The following RAB10 variants were observed in gnomAD, a reference collection of about 807,000 sequenced individuals.
RAB10 encodes RAB10, member RAS oncogene family, also known as ras-related protein Rab-10.
In RAB10, 5 loss-of-function variants were observed where a neutral mutation model predicts 25.7. The ratio of observed to expected loss-of-function variants is 0.19; its 90% confidence interval spans 0.10 to 0.41. RAB10 has a LOEUF of 0.41. RAB10 is among the 10% of genes least tolerant of loss of function. The pLI is 1.00. For missense variants in RAB10, 103 were observed against 245.8 expected, an observed-to-expected ratio of 0.42 and a Z score of 3.89; for synonymous variants, 89 against 86.4, an observed-to-expected ratio of 1.03 and a Z score of -0.16.
chr2:26,097,984 A>AT (rs1297984599), intron 1 of RAB10, among the ~76,000 whole-genome samples: 2 of 151,356 alleles, frequency 1.3e-5, no homozygotes, highest in African/African-American at 2.4e-5. Flanking sequence ...TGAAGGCAAT[A>AT]TTTTTCCCCC....
In RAB10 at chr2:26,067,965, T is replaced by C. The variant is rs564925646; in HGVS notation, c.128-30697T>C. On this transcript the variant is annotated intron_variant, in intron 1 of 5. Transcript: ENST00000264710. Reference sequence around the variant, plus strand: ...AGCAGAATTTGCTGGGGGGTTGATATATGTTCATCAAGTAAACAGAAACAT... The same window carrying C: ...AGCAGAATTTGCTGGGGGGTTGATACATGTTCATCAAGTAAACAGAAACAT... Among the ~76,000 whole-genome samples the C allele has an allele frequency of 6.6e-5, 10 of 152,328 alleles. 1 individual carries two copies. In the South Asian group the frequency reaches 8.3e-4, roughly 13 times the overall value.
chr2:26,080,219 AAAAT>A (rs1262400002), intron 1 of RAB10, among the ~76,000 whole-genome samples: 1 of 152,210 alleles, frequency 6.6e-6, no homozygotes, highest in Non-Finnish European at 1.5e-5. Flanking sequence ...CATAGTAGCA[AAAAT>A]AAATAATTGA....
At chr2:26,051,405 C>G (rs986698786) in intron 1 of RAB10, among the ~76,000 whole-genome samples, 1 of 108,634 alleles carries the variant, frequency 9.2e-6, no homozygotes, top group Non-Finnish European at 1.7e-5. Context: ...TTTTTGGAAG[C>G]CTTCCTCAAA....
intron 1 of RAB10, among the ~76,000 whole-genome samples, chr2:26,039,757 A>G (rs1428169432): frequency 6.6e-6 from 1 of 152,078 alleles, no homozygotes; most frequent in East Asian, 1.9e-4. Context: ...TCACACCTGT[A>G]ATCCCAGCAC....
chr2:26,034,963 G>T (rs1469021613), intron 1 of RAB10, among the ~76,000 whole-genome samples: 1 of 152,142 alleles, frequency 6.6e-6, no homozygotes, highest in Non-Finnish European at 1.5e-5. Context: ...AGTGCCTTCT[G>T]TTACAAAATA....
rs149622307 is a variant in RAB10, at chr2:26,109,771, T to C, written c.192T>C (p.Asp64=). Residue 64 remains aspartate (D), a synonymous_variant, in exon 3 of 6, where the codon GAT becomes GAC. Coordinates refer to ENST00000264710, the MANE Select transcript of RAB10 (RefSeq NM_016131.5). ...QGKKIKLQIW[D]TAGQERFHTI... is the part of the protein sequence containing the mutation. ...AATTATTGGCTGTTTATTTCAGGGATACAGCAGGCCAGGAGCGATTTCACA... is the reference window on the plus strand; with the variant it reads ...AATTATTGGCTGTTTATTTCAGGGACACAGCAGGCCAGGAGCGATTTCACA... 3.0e-4 allele frequency: 477 copies of C among 1,575,548 alleles called. No homozygotes were observed. Among genetic ancestry groups the C allele is most frequent in the Non-Finnish European group, 4.0e-4 (464 of 1,165,584 alleles).
intron 1 of RAB10, among the ~76,000 whole-genome samples, chr2:26,038,621 A>G (rs1665816848): frequency 6.6e-6 from 1 of 152,082 alleles, no homozygotes; most frequent in South Asian, 2.1e-4. Context: ...AGCTCTGTGC[A>G]CAGGTTTAAA....
At chr2:26,117,967 A>G (rs1289584443) in intron 3 of RAB10, among the ~76,000 whole-genome samples, 3 of 152,208 alleles carry the variant, frequency 2.0e-5, no homozygotes, top group Non-Finnish European at 2.9e-5. Context: ...TCTAATAGAT[A>G]TAAAAAGATG....
At chr2:26,038,132 C>A (rs1028580534) in intron 1 of RAB10, among the ~76,000 whole-genome samples, 1 of 150,656 alleles carries the variant, frequency 6.6e-6, no homozygotes, top group Admixed American at 6.6e-5. Flanking sequence ...GTGATCTGCC[C>A]GCCTCAGCGT....
At position 26,034,401 on chromosome 2, in the gene RAB10, G is replaced by A; in HGVS notation, c.-208G>A. On this transcript the variant is annotated 5_prime_UTR_variant, in exon 1 of 6. Coordinates refer to ENST00000264710, the MANE Select transcript of RAB10 (RefSeq NM_016131.5). ...CGGACGGGCTGGGAGAGGCTGCGGA[G>A]CCGCGGTCGCCGCCCTCGGAGGCAC... is the stretch of plus-strand genomic sequence containing the variant. 1 of 638,584 alleles carries A rather than the reference G, an allele frequency of 1.6e-6. No homozygotes were observed. Among genetic ancestry groups the A allele is most frequent in the Non-Finnish European group, 2.7e-6 (1 of 374,360 alleles). The allele number at this position is 638,584 out of a possible 1,614,324, so 39.6% of individuals were successfully genotyped here.
intron 1 of RAB10, among the ~76,000 whole-genome samples, chr2:26,076,315 C>T (rs1486244047): frequency 6.6e-6 from 1 of 152,204 alleles, no homozygotes; most frequent in Non-Finnish European, 1.5e-5. Flanking sequence ...TTACTACCTT[C>T]TGTACTGCTT....
intron 3 of RAB10, among the ~76,000 whole-genome samples, chr2:26,113,913 A>G (rs1054809309): frequency 5.9e-5 from 9 of 152,172 alleles, no homozygotes; most frequent in African/African-American, 1.9e-4. Context: ...AATGAGATCA[A>G]CATATAAAAA....
At chr2:26,123,150 C>G (rs1382277063) in intron 3 of RAB10, among the ~76,000 whole-genome samples, 1 of 152,118 alleles carries the variant, frequency 6.6e-6, no homozygotes, top group African/African-American at 2.4e-5. Context: ...TGGATTGGTT[C>G]CATCAATACT....
chr2:26,107,847 C>CA (rs796628445), intron 2 of RAB10, among the ~76,000 whole-genome samples: 1,804 of 137,498 alleles, frequency 0.013, 31 homozygotes, highest in African/African-American at 0.036. Context: ...AGAAAATGGG[C>CA]AAAAAAAAAA....
chr2:26,035,521 C>G (rs1665747185), intron 1 of RAB10, among the ~76,000 whole-genome samples: 1 of 152,186 alleles, frequency 6.6e-6, no homozygotes, highest in Non-Finnish European at 1.5e-5. Context: ...GAAGTAAGAG[C>G]TAAAGAGTGA....
intron 1 of RAB10, among the ~76,000 whole-genome samples, chr2:26,047,377 TTAA>T (rs1666035320): frequency 8.0e-6 from 1 of 124,688 alleles, no homozygotes; most frequent in Non-Finnish European, 1.6e-5. Flanking sequence ...TCCCTGGAGA[TTAA>T]TCCAAGTTGT....
intron 3 of RAB10, among the ~76,000 whole-genome samples, chr2:26,117,341 G>T (rs1178949070): frequency 2.0e-5 from 3 of 151,642 alleles, no homozygotes; most frequent in Non-Finnish European, 4.4e-5. Flanking sequence ...GTCCGGGTGC[G>T]GGGGGCTCAT....
chr2:26,071,970 A>T (rs1445253938), intron 1 of RAB10, among the ~76,000 whole-genome samples: 3 of 152,194 alleles, frequency 2.0e-5, no homozygotes, highest in Admixed American at 6.5e-5. Context: ...CATGGTGATA[A>T]TATTATTTTT....
At chr2:26,127,073 A>G in intron 3 of RAB10, 71 bp from the exon 4 acceptor site, 1 of 1,170,846 alleles carries the variant, frequency 8.5e-7, no homozygotes. Flanking sequence ...TGAGAGAATA[A>G]AGTCACTTTT....
Sources: allele counts gnomAD v4.1 joint callset (sites outside exome capture counted in the v4.1 genomes callset), GRCh38; gene constraint gnomAD v4.1.1; transcripts MANE v1.5; gene names NCBI Gene and HGNC (gene_info 2026-07-23, HGNC 2026-07-21).